VPS53: variants seen among roughly 807,000 people sequenced by gnomAD.
VPS53 encodes vacuolar protein sorting-associated protein 53 homolog.
In VPS53, 70 loss-of-function variants were observed where a neutral mutation model predicts 107.0. The ratio of observed to expected loss-of-function variants is 0.65; its 90% CI spans 0.54 to 0.80. The LOEUF is 0.80. Among genes scored for constraint, VPS53 ranks in the 30% least tolerant of loss-of-function variants. VPS53 has a pLI of 0.00. For missense variants in VPS53, 917 were observed against 1,049.4 expected (o/e 0.87, Z 1.74); for synonymous variants, 409 against 393.3 (o/e 1.04, Z -0.47).
chr17:517,382 G>A lies in VPS53; in HGVS notation c.*1746C>T. The A allele has an allele frequency of 2.5e-6, 1 of 399,976 alleles. No homozygotes were observed. Among genetic ancestry groups the A allele is most frequent in the East Asian group, 3.5e-5 (1 of 28,282 alleles). The allele number at this position is 399,976 out of a possible 1,614,324, so 24.8% of individuals were successfully genotyped here. On this transcript the variant is annotated 3_prime_UTR_variant, in exon 22 of 22. Transcript: ENST00000437048. ...ACGGCATCGGGGAGAAAGCCTGGCA[G>A]AGAGGGCAGGGGCACAGAGCAGTGG...
intron 8 of VPS53, among the ~76,000 whole-genome samples, chr17:629,680 A>G (rs528565430): frequency 5.9e-5 from 9 of 151,622 alleles, no homozygotes; most frequent in Admixed American, 2.0e-4. Context: ...AGAGAATGGC[A>G]TGAACTCGGA....
In VPS53 at chr17:623,546, G is replaced by A. The variant is rs775715232; in HGVS notation, c.1103C>T (p.Thr368Ile). 6.2e-7 allele frequency: 1 copy of A among 1,612,594 alleles called. No individual in the cohort carries two copies. The highest frequency in any genetic ancestry group is 1.7e-5 in the Admixed American group (1 of 59,998). The part of the protein sequence containing the change: ...LAKRFSGCTL[T>I]DGTLKKLESP... The stretch of plus-strand genomic sequence containing the variant: ...GGAAGGTCTTACCAGGGTCCCATCG[G>A]TCAGGGTGCAGCCGGAGAAGCGTTT... Residue 368 changes from threonine (T) to isoleucine (I), a missense_variant, in exon 11 of 22, where the codon ACC becomes ATC. Coordinates refer to ENST00000437048, the MANE Select transcript of VPS53 (RefSeq NM_001128159.3).
At chr17:632,909 G>A in intron 7 of VPS53, 5 of 379,508 alleles carry the variant, frequency 1.3e-5, no homozygotes, top group Admixed American at 3.4e-5. Context: ...TGTTTTCTAA[G>A]GTAAAAACAA....
chr17:628,917 G>T (rs1230189126), intron 8 of VPS53, among the ~76,000 whole-genome samples: 2 of 152,198 alleles, frequency 1.3e-5, no homozygotes, highest in Non-Finnish European at 2.9e-5. Context: ...GCAATTCAAT[G>T]ACCAAAGTTT....
intron 5 of VPS53, 75 bp downstream of exon 5, chr17:661,734 C>T: frequency 7.1e-6 from 10 of 1,408,838 alleles, no homozygotes; most frequent in East Asian, 2.5e-5. Context: ...AGAAAAAGCT[C>T]ATTATTAGAA....
intron 13 of VPS53, among the ~76,000 whole-genome samples, chr17:566,372 C>T (rs1172091584): frequency 6.6e-6 from 1 of 152,156 alleles, no homozygotes; most frequent in African/African-American, 2.4e-5. Flanking sequence ...GAAGTTGGTA[C>T]AAAAGGCGAA....
chr17:663,549 C>T (rs1032717784), intron 4 of VPS53, among the ~76,000 whole-genome samples: 1 of 150,132 alleles, frequency 6.7e-6, no homozygotes, highest in South Asian at 2.1e-4. Context: ...GTGCCAGCAG[C>T]CCACAGACGT....
At chr17:655,215 T>C (rs1005255137) in intron 6 of VPS53, among the ~76,000 whole-genome samples, 17 of 152,222 alleles carry the variant, frequency 1.1e-4, no homozygotes, top group African/African-American at 3.6e-4. Flanking sequence ...TAAAGGAGGC[T>C]TTAGATTGCT....
intron 12 of VPS53, among the ~76,000 whole-genome samples, chr17:594,421 G>A (rs9914069): frequency 2.0e-5 from 3 of 152,068 alleles, no homozygotes; most frequent in Admixed American, 6.5e-5. Context: ...AAATAGGGGT[G>A]TGGATCAATT....
At position 511,625 on chromosome 17, in the gene VPS53, G is replaced by A. The variant is rs1907949595; in HGVS notation, c.*7503C>T. The A allele has an allele frequency of 6.6e-6, 1 of 152,180 alleles. No homozygotes were observed. The highest frequency in any genetic ancestry group is 1.5e-5 in the Non-Finnish European group (1 of 68,042). 9.4% of individuals were successfully genotyped at this position (152,180 alleles called of 1,614,324 possible). A position where few individuals can be genotyped will look rare whatever the true frequency, so the allele number is the denominator to read the frequency against. On this transcript the variant is annotated 3_prime_UTR_variant, in exon 22 of 22. Coordinates refer to ENST00000437048, the MANE Select transcript of VPS53 (RefSeq NM_001128159.3). ...AAGGATTCAGCTGGCCTTGGGAAAA[G>A]TCTAAACATCTTTGAAACACAATTG...
intron 5 of VPS53, among the ~76,000 whole-genome samples, chr17:658,204 A>G (rs1461047387): frequency 1.4e-5 from 2 of 141,940 alleles, no homozygotes; most frequent in East Asian, 2.2e-4. Flanking sequence ...GAGTTCGTGG[A>G]TAGATACATC....
chr17:561,376 T>C (rs1912959878), intron 14 of VPS53, among the ~76,000 whole-genome samples: 1 of 152,208 alleles, frequency 6.6e-6, no homozygotes, highest in Non-Finnish European at 1.5e-5. Context: ...ACAGTCTCTC[T>C]ACTGACATAA....
intron 7 of VPS53, among the ~76,000 whole-genome samples, chr17:642,611 T>C (rs1276298563): frequency 1.9e-4 from 21 of 110,552 alleles, no homozygotes; most frequent in Admixed American, 4.8e-4. Flanking sequence ...ACTTGGCAAC[T>C]GGGGACAACA....
chr17:629,808 ACCACAC>A lies in VPS53; in HGVS notation c.688-1583_688-1578del, dbSNP rs1232989746. Among the ~76,000 whole-genome samples, 11 of 66,270 alleles carry A rather than the reference ACCACAC, an allele frequency of 1.7e-4. No homozygotes were observed. The East Asian group carries it at 4.4e-3, about 27-fold the overall frequency. The allele number at this position is 66,270 out of a possible 152,430, so 43.5% of individuals were successfully genotyped here. A position where few individuals can be genotyped will look rare whatever the true frequency, so the allele number is the denominator to read the frequency against. On this transcript the variant is annotated intron_variant, in intron 8 of 21. Transcript: ENST00000437048. ...AAACTAAAAACAAAACAAAAAAAAA[ACCACAC>A]ACACACACACACACACACACACACA... is the stretch of plus-strand genomic sequence containing the variant.
chr17:601,029 C>T (rs914497178), intron 12 of VPS53: 1 of 152,234 alleles, frequency 6.6e-6, no homozygotes, highest in African/African-American at 2.4e-5. Flanking sequence ...TACATGGTTA[C>T]AGGTTTCTCA....
At chr17:681,799 G>A (rs961837719) in intron 4 of VPS53, among the ~76,000 whole-genome samples, 9 of 151,668 alleles carry the variant, frequency 5.9e-5, no homozygotes, top group East Asian at 3.8e-4. Flanking sequence ...CCTCACAGAC[G>A]GCATCTTCTA....
rs750551048 is a variant in VPS53 at position 586,355 on chromosome 17, G to A, written c.1228C>T (p.Pro410Ser). ...EKGDLDQPKK[P>S]KAPDNPFHGI... is the part of the protein sequence containing the mutation. ...TGAAATGGATTGTCTGGGGCTTTAG[G>A]CTTCTTTGGCTGTAAAAACAAAGAA... is the stretch of plus-strand genomic sequence containing the variant. The change falls in exon 13 of 22, where the codon CCT becomes TCT. Residue 410 changes from proline (P) to serine (S), a missense_variant. Coordinates refer to ENST00000437048, the MANE Select transcript of VPS53 (RefSeq NM_001128159.3). The A allele has an allele frequency of 8.7e-6, 14 of 1,613,992 alleles. No homozygotes were observed. The highest frequency in any genetic ancestry group is 1.1e-5 in the Non-Finnish European group (13 of 1,179,918).
chr17:605,329 G>A (rs1475337634), intron 11 of VPS53, among the ~76,000 whole-genome samples: 2 of 152,132 alleles, frequency 1.3e-5, no homozygotes, highest in Non-Finnish European at 2.9e-5. Flanking sequence ...CATCAGAAAA[G>A]GTCTCTGAGG....
chr17:653,076 C>A (rs1206110866), intron 7 of VPS53, among the ~76,000 whole-genome samples: 1 of 152,202 alleles, frequency 6.6e-6, no homozygotes, highest in Non-Finnish European at 1.5e-5. Context: ...TCTGCGGAAT[C>A]CCCATATACT....
Sources: allele counts gnomAD v4.1 joint callset (sites outside exome capture counted in the v4.1 genomes callset), GRCh38; gene constraint gnomAD v4.1.1; transcripts MANE v1.5; gene names NCBI Gene and HGNC (gene_info 2026-07-23, HGNC 2026-07-21).